ECE1: variants seen among roughly 807,000 people sequenced by gnomAD.
ECE1 encodes the protein endothelin converting enzyme 1.
In ECE1, 35 loss-of-function variants were observed where a neutral mutation model predicts 98.6. The observed-to-expected ratio is 0.35, with a 90% CI of 0.27 to 0.47. The LOEUF (loss-of-function observed/expected upper bound fraction) is 0.47. Ranked by LOEUF, ECE1 falls within the 20% of genes least tolerant of loss-of-function variation. The pLI is 1.00. For synonymous variants in ECE1, 394 were observed against 407.1 expected (o/e 0.97, Z 0.39); for missense variants, 814 against 1,025.3 (o/e 0.79, Z 2.81).
intron 4 of ECE1, among the ~76,000 whole-genome samples, chr1:21,268,309 A>G (rs527430033): frequency 9.8e-5 from 15 of 152,318 alleles, no homozygotes; most frequent in Non-Finnish European, 2.1e-4. Context: ...AAGTGAGGCC[A>G]CCCACTCTCA....
At chr1:21,325,318 G>A (rs898290695) in intron 1 of ECE1, among the ~76,000 whole-genome samples, 4 of 152,324 alleles carry the variant, frequency 2.6e-5, no homozygotes, top group South Asian at 2.1e-4. Flanking sequence ...CGTCTCGAGC[G>A]GTTCCCCTTC....
chr1:21,338,731 C>T (rs778491312), intron 1 of ECE1, among the ~76,000 whole-genome samples: 12 of 152,350 alleles, frequency 7.9e-5, no homozygotes, highest in Middle Eastern at 3.4e-3. Flanking sequence ...CTGGAAGCCA[C>T]CCTGGCCTTG....
rs1573978709 is a variant in ECE1, at chr1:21,258,949, C to T, written c.616-110G>A. 9 of 1,432,766 alleles carry T rather than the reference C, an allele frequency of 6.3e-6. No homozygotes were observed. The highest frequency in any genetic ancestry group is 8.6e-6 in the Non-Finnish European group (9 of 1,050,008). The allele number at this position is 1,432,766 out of a possible 1,614,324, so 88.8% of individuals were successfully genotyped here. A position where few individuals can be genotyped will look rare whatever the true frequency, so the allele number is the denominator to read the frequency against. On this transcript the variant is annotated intron_variant, in intron 5 of 18. Transcript: ENST00000374893. The surrounding 1 kb of genome is among the most constrained non-coding windows in gnomAD (Gnocchi z 4.2). ...TGTGACCCTGGAGCAGTCGCCTGAC[C>T]TCTCTGAGCCTCAAGAGCAAAGGAA...
Position 21,258,434 on chromosome 1 carries a change from A to G in ECE1, c.762+259T>C, listed in dbSNP as rs1179828006. ...CCAGGATGTGGGTTCAGCTGTGCCC[A>G]GGAGTTGACATCATTCTTGGGGCCC... is the stretch of plus-strand genomic sequence containing the variant. On this transcript the variant is annotated intron_variant, in intron 6 of 18. Coordinates refer to ENST00000374893, the MANE Select transcript of ECE1 (RefSeq NM_001397.3). This position sits in a 1 kb window ranked among gnomAD's most constrained non-coding sequence, Gnocchi z 4.2. Among the ~76,000 whole-genome samples the G allele has an allele frequency of 6.6e-6, 1 of 152,204 alleles. No individual in the cohort carries two copies. Among genetic ancestry groups the G allele is most frequent in the African/African-American group, 2.4e-5 (1 of 41,456 alleles).
chr1:21,269,820 T>C (rs979936220), intron 4 of ECE1, among the ~76,000 whole-genome samples: 8 of 152,160 alleles, frequency 5.3e-5, no homozygotes, highest in African/African-American at 1.9e-4. Flanking sequence ...GATAAGCAGC[T>C]AGCACACCAG....
intron 4 of ECE1, among the ~76,000 whole-genome samples, chr1:21,264,551 G>A (rs7533708): frequency 0.049 from 7,392 of 152,194 alleles, 579 homozygotes; most frequent in African/African-American, 0.16. Context: ...CTGACCTCAG[G>A]TGGTCTGCCT....
intron 1 of ECE1, among the ~76,000 whole-genome samples, chr1:21,330,410 T>C (rs1285578543): frequency 1.3e-5 from 2 of 151,754 alleles, no homozygotes; most frequent in Non-Finnish European, 2.9e-5. Flanking sequence ...TTCGTATTTT[T>C]TGTAGAGATG....
Position 21,233,487 on chromosome 1 carries a change from G to T in ECE1, c.1670+71C>A. The T allele has an allele frequency of 7.1e-7, 1 of 1,416,754 alleles. No homozygotes were observed. The highest frequency in any genetic ancestry group is 1.7e-5 in the Admixed American group (1 of 58,158). 87.8% of individuals were successfully genotyped at this position (1,416,754 alleles called of 1,614,324 possible). ...GGTGCACAGTGAGGGTGCAATGAAG[G>T]CCAGTTCGTCCCAAGGCTTGCCCAC... is the stretch of plus-strand genomic sequence containing the variant. On this transcript the variant is annotated intron_variant, in intron 14 of 18. Coordinates refer to ENST00000374893, the MANE Select transcript of ECE1 (RefSeq NM_001397.3). This position sits in a 1 kb window ranked among gnomAD's most constrained non-coding sequence, Gnocchi z 4.0.
rs996995338 is a variant in ECE1, at chr1:21,322,625, C to T, written c.3+22751G>A. 1.3e-5 allele frequency among the ~76,000 whole-genome samples: 2 copies of T among 152,212 alleles called. No homozygotes were observed. The highest frequency in any genetic ancestry group is 6.5e-5 in the Admixed American group (1 of 15,286). The stretch of plus-strand genomic sequence containing the variant: ...GGATGGGGACACCAGTGTGGTGGCA[C>T]TGTTTGGCCCTGAGGGGTTGGAAGT... On this transcript the variant is annotated intron_variant, in intron 1 of 18. Coordinates refer to the ECE1 transcript ENST00000415912. This position sits in a 1 kb window ranked among gnomAD's most constrained non-coding sequence, Gnocchi z 4.1.
chr1:21,233,659 G>A lies in ECE1; in HGVS notation c.1569C>T (p.Tyr523=), dbSNP rs1444213933. ...PKELDKVFND[Y]TAVPDLYFEN... ...CAAAGTAGAGGTCTGGAACTGCAGTGTACTAGAAAAGAAGAAGTGGAGTCA... is the reference window on the plus strand; with the variant it reads ...CAAAGTAGAGGTCTGGAACTGCAGTATACTAGAAAAGAAGAAGTGGAGTCA... The change falls in exon 14 of 19, where the codon TAC becomes TAT. Residue 523 remains tyrosine, a splice_region_variant and synonymous_variant. Coordinates refer to ENST00000374893, the MANE Select transcript of ECE1 (RefSeq NM_001397.3). This position sits in a 1 kb window ranked among gnomAD's most constrained non-coding sequence, Gnocchi z 4.0. 1 of 1,613,564 alleles carries A rather than the reference G, an allele frequency of 6.2e-7. No individual in the cohort carries two copies. Among genetic ancestry groups the A allele is most frequent in the Non-Finnish European group, 8.5e-7 (1 of 1,179,696 alleles).
chr1:21,314,834 CTG>C (rs1161210222), intron 1 of ECE1, among the ~76,000 whole-genome samples: 1 of 152,248 alleles, frequency 6.6e-6, no homozygotes, highest in Non-Finnish European at 1.5e-5. Context: ...GTAAACAACA[CTG>C]TGCTTATCCC....
At chr1:21,251,644 G>A (rs1355116778) in intron 8 of ECE1, among the ~76,000 whole-genome samples, 1 of 152,230 alleles carries the variant, frequency 6.6e-6, no homozygotes, top group Non-Finnish European at 1.5e-5. Flanking sequence ...GGGGCCAGGG[G>A]GCTCCAGTGC....
chr1:21,234,653 A>AT (rs994781658), intron 13 of ECE1, among the ~76,000 whole-genome samples: 8 of 151,930 alleles, frequency 5.3e-5, no homozygotes, highest in Non-Finnish European at 2.9e-5. Flanking sequence ...TAATCTTTAC[A>AT]TTTTTTGTAG....
intron 2 of ECE1, among the ~76,000 whole-genome samples, chr1:21,288,126 A>T (rs2098262641): frequency 6.6e-6 from 1 of 152,224 alleles, no homozygotes; most frequent in Admixed American, 6.5e-5. Flanking sequence ...ACCCACAAAA[A>T]TGCCCCAAAT....
At chr1:21,328,114 G>T (rs1377480436) in intron 1 of ECE1, among the ~76,000 whole-genome samples, 1 of 152,166 alleles carries the variant, frequency 6.6e-6, no homozygotes, top group Non-Finnish European at 1.5e-5. Flanking sequence ...TGCTGCTATA[G>T]GTCACTCACC....
chr1:21,266,040 A>G (rs1004149957), intron 4 of ECE1: 1 of 152,002 alleles, frequency 6.6e-6, no homozygotes, highest in Non-Finnish European at 1.5e-5. Flanking sequence ...GCACCATTTC[A>G]TCGGCCGCTT....
chr1:21,314,667 C>T (rs1383170111), intron 1 of ECE1, among the ~76,000 whole-genome samples: 2 of 152,246 alleles, frequency 1.3e-5, no homozygotes, highest in Non-Finnish European at 2.9e-5. Flanking sequence ...CTCCAGGGAA[C>T]TTCCTGACTG....
upstream of ECE1, among the ~76,000 whole-genome samples, chr1:21,292,112 C>T (rs920387731): frequency 9.9e-5 from 15 of 151,946 alleles, no homozygotes; most frequent in Non-Finnish European, 1.6e-4. Flanking sequence ...GCTGTGATTG[C>T]ACCACTGCAC....
intron 2 of ECE1, among the ~76,000 whole-genome samples, chr1:21,286,335 G>A (rs540345559): frequency 4.3e-4 from 65 of 152,312 alleles, no homozygotes; most frequent in African/African-American, 1.5e-3. Context: ...GTCACTCATA[G>A]TGAGTTTCTG....
Sources: allele counts gnomAD v4.1 joint callset (sites outside exome capture counted in the v4.1 genomes callset), GRCh38; gene constraint gnomAD v4.1.1; non-coding constraint Gnocchi (gnomAD v3.1); transcripts MANE v1.5; gene names NCBI Gene and HGNC (gene_info 2026-07-23, HGNC 2026-07-21).